MAML2: variants seen among roughly 807,000 people sequenced by gnomAD.
MAML2 encodes the protein mastermind-like protein 2.
Under a neutral mutation model 96.1 loss-of-function variants are expected in MAML2, and 22 were observed. That is an observed-to-expected ratio of 0.23 (90% CI 0.16 to 0.33). The LOEUF is 0.33. Ranked by LOEUF, MAML2 falls within the 10% of genes least tolerant of loss-of-function variation. MAML2 has a pLI of 1.00. For synonymous variants in MAML2, 561 were observed against 521.3 expected (o/e 1.08, Z -1.04); for missense variants, 1,367 against 1,392.4 (o/e 0.98, Z 0.29).
intron 2 of MAML2, among the ~76,000 whole-genome samples, chr11:96,023,403 C>G (rs758908618): frequency 3.2e-4 from 48 of 152,146 alleles, no homozygotes; most frequent in Admixed American, 1.8e-3. Flanking sequence ...CCGAGCCCAG[C>G]CTTACCGCCT....
At chr11:96,020,717 T>C (rs1416331587) in intron 2 of MAML2, among the ~76,000 whole-genome samples, 1 of 152,238 alleles carries the variant, frequency 6.6e-6, no homozygotes, top group Admixed American at 6.5e-5. Flanking sequence ...AGACAATGTT[T>C]ACAGTTTTAC....
At chr11:96,326,795 CA>C (rs889406685) in intron 1 of MAML2, among the ~76,000 whole-genome samples, 20 of 142,994 alleles carry the variant, frequency 1.4e-4, no homozygotes, top group East Asian at 9.9e-4. Flanking sequence ...AATAACAAAA[CA>C]AAAAAAAAAC....
At chr11:96,121,804 TGAGACGGAG>T (rs1860348483) in intron 1 of MAML2, among the ~76,000 whole-genome samples, 3 of 137,250 alleles carry the variant, frequency 2.2e-5, no homozygotes, top group Admixed American at 7.5e-5. Flanking sequence ...TTTTTTTTTT[TGAGACGGAG>T]TCTTGCTCTG....
At chr11:96,088,837 A>G (rs1859659658) in intron 2 of MAML2, among the ~76,000 whole-genome samples, 1 of 152,194 alleles carries the variant, frequency 6.6e-6, no homozygotes, top group Non-Finnish European at 1.5e-5. Context: ...GCCCACATTC[A>G]GTCTCTAGCT....
At chr11:96,332,880 A>G (rs1863871879) in intron 1 of MAML2, among the ~76,000 whole-genome samples, 1 of 152,212 alleles carries the variant, frequency 6.6e-6, no homozygotes, top group Non-Finnish European at 1.5e-5. Flanking sequence ...TACAGTACAT[A>G]TTGTATTCAA....
chr11:96,335,662 G>A (rs1465795179), intron 1 of MAML2, among the ~76,000 whole-genome samples: 1 of 152,186 alleles, frequency 6.6e-6, no homozygotes, highest in East Asian at 1.9e-4. Flanking sequence ...TGTAATACTT[G>A]TCTTCAAGTA....
At chr11:96,220,040 G>A (rs972761203) in intron 1 of MAML2, among the ~76,000 whole-genome samples, 1 of 152,128 alleles carries the variant, frequency 6.6e-6, no homozygotes, top group Non-Finnish European at 1.5e-5. Flanking sequence ...CTAAATGGTG[G>A]CATGTTGTTA....
chr11:96,277,135 T>G (rs377545960), intron 1 of MAML2, among the ~76,000 whole-genome samples: 2 of 151,956 alleles, frequency 1.3e-5, no homozygotes, highest in South Asian at 4.1e-4. Context: ...AAGAGAGGAG[T>G]CACCCACGGA....
chr11:96,246,762 C>T (rs534347967), intron 1 of MAML2, among the ~76,000 whole-genome samples: 2 of 152,236 alleles, frequency 1.3e-5, no homozygotes, highest in African/African-American at 2.4e-5. Context: ...ATTGTAGTTA[C>T]CCATGTTGAC....
rs117280626 is a variant in MAML2, at chr11:96,317,779, A to C, written c.513+23604T>G. ...CAGGTGCCAAGACTGACAGAAGGAG[A>C]CAGAAACCCCAGGGCACCTGCGTCT... is the stretch of plus-strand genomic sequence containing the variant. On this transcript the variant is annotated intron_variant, in intron 1 of 4. Coordinates refer to ENST00000524717, the MANE Select transcript of MAML2 (RefSeq NM_032427.4). Among the ~76,000 whole-genome samples the C allele has an allele frequency of 5.0e-3, 768 of 152,338 alleles. 7 individuals carry two copies. The highest frequency in any genetic ancestry group is 0.016 in the South Asian group (76 of 4,830).
intron 1 of MAML2, among the ~76,000 whole-genome samples, chr11:96,267,872 T>C (rs1283491181): frequency 6.6e-6 from 1 of 152,228 alleles, no homozygotes; most frequent in East Asian, 1.9e-4. Flanking sequence ...AGGACCTCAC[T>C]GTGATTGCTC....
chr11:96,210,778 A>G (rs1369220428), intron 1 of MAML2, among the ~76,000 whole-genome samples: 1 of 152,206 alleles, frequency 6.6e-6, no homozygotes, highest in African/African-American at 2.4e-5. Context: ...ATCTCTAAGC[A>G]TAGTGTTCAA....
chr11:96,196,859 TCTCCCCCAACCACC>T (rs1325473133), intron 1 of MAML2, among the ~76,000 whole-genome samples: 2 of 150,454 alleles, frequency 1.3e-5, no homozygotes, highest in African/African-American at 4.9e-5. Context: ...GTCCAATGGT[TCTCCCCCAACCACC>T]CTCGGCTTTT....
chr11:96,322,715 G>A (rs549685), intron 1 of MAML2, among the ~76,000 whole-genome samples: 56,722 of 152,042 alleles, frequency 0.37, 10,724 homozygotes, highest in African/African-American at 0.45. Context: ...ACAAGAAAAT[G>A]CCTAGATAGA....
chr11:96,051,053 T>TGTCATG (rs56027036), intron 2 of MAML2, among the ~76,000 whole-genome samples: 52,727 of 151,698 alleles, frequency 0.35, 10,801 homozygotes, highest in East Asian at 0.5. Flanking sequence ...GTTGGTTTAG[T>TGTCATG]GTCATTTCCT....
chr11:96,230,016 T>A (rs1000757065), intron 1 of MAML2, among the ~76,000 whole-genome samples: 1 of 152,206 alleles, frequency 6.6e-6, no homozygotes, highest in Admixed American at 6.5e-5. Context: ...TTTTCAGAAT[T>A]GTTATCCTCA....
intron 2 of MAML2, among the ~76,000 whole-genome samples, chr11:96,024,786 G>A (rs1015733065): frequency 6.6e-6 from 1 of 152,090 alleles, no homozygotes; most frequent in Non-Finnish European, 1.5e-5. Context: ...TTTTGTGCAG[G>A]AGGCCTAGAC....
At chr11:96,293,458 T>C (rs1863243758) in intron 1 of MAML2, among the ~76,000 whole-genome samples, 1 of 152,210 alleles carries the variant, frequency 6.6e-6, no homozygotes, top group Non-Finnish European at 1.5e-5. Flanking sequence ...GGTTGCATTT[T>C]TGGTCATCTG....
At chr11:96,033,124 AG>A (rs1475189111) in intron 2 of MAML2, among the ~76,000 whole-genome samples, 2 of 152,232 alleles carry the variant, frequency 1.3e-5, no homozygotes, top group African/African-American at 4.8e-5. Context: ...ATGCTATTTA[AG>A]CACTTTTTAC....
Sources: allele counts gnomAD v4.1 joint callset (sites outside exome capture counted in the v4.1 genomes callset), GRCh38; gene constraint gnomAD v4.1.1; transcripts MANE v1.5; gene names NCBI Gene and HGNC (gene_info 2026-07-23, HGNC 2026-07-21).